Variants in LMF1 observed in about 807,000 individuals in gnomAD.
LMF1 encodes transmembrane protein 112.
A neutral mutation model predicts 60.6 loss-of-function variants in LMF1; 68 were observed. That is an observed-to-expected ratio of 1.12 (90% CI 0.92 to 1.37). The LOEUF is 1.37. Among genes scored for constraint, LMF1 ranks in the 40% most tolerant of loss-of-function variants. The probability of loss-of-function intolerance (pLI) is 0.00; values close to 1 mark genes in which losing one functional copy is unlikely to be tolerated. For missense variants in LMF1, 948 were observed against 767.2 expected (o/e 1.24, Z -2.78); for synonymous variants, 418 against 324.7 (o/e 1.29, Z -3.09).
chr16:978,977 A>C (rs1420498289), intron 1 of LMF1: 2 of 453,918 alleles, frequency 4.4e-6, no homozygotes, highest in Non-Finnish European at 8.8e-6. Flanking sequence ...GCTTTCCCAG[A>C]CCATCCTTCC....
In LMF1 at chr16:946,398, C is replaced by T. The variant is rs532342805; in HGVS notation, c.503+7959G>A. ...AGCAGGAGTGGAAGCCAGAAGGAAG[C>T]GCTTCTCCCAGCAAGTCCTAGAGAG... On this transcript the variant is annotated intron_variant, in intron 2 of 10. Coordinates refer to ENST00000262301, the MANE Select transcript of LMF1 (RefSeq NM_022773.4). Among the ~76,000 whole-genome samples the T allele has an allele frequency of 4.8e-3, 735 of 152,310 alleles. 4 individuals are homozygous for T. The highest frequency in any genetic ancestry group is 0.013 in the South Asian group (61 of 4,826).
intron 6 of LMF1, among the ~76,000 whole-genome samples, chr16:875,836 G>A (rs1216578945): frequency 1.3e-5 from 2 of 152,206 alleles, no homozygotes; most frequent in East Asian, 1.9e-4. Context: ...CCACGCAGGA[G>A]GTGTGTGGGG....
intron 4 of LMF1, among the ~76,000 whole-genome samples, chr16:896,379 A>G (rs1284433680): frequency 6.6e-6 from 1 of 152,190 alleles, no homozygotes; most frequent in Non-Finnish European, 1.5e-5. Flanking sequence ...CTGCCCTCAC[A>G]TGCCCTGTGC....
intron 5 of LMF1, 73 bp downstream of exon 5, chr16:892,934 G>A (rs2070532734): frequency 1.7e-6 from 2 of 1,203,220 alleles, no homozygotes; most frequent in South Asian, 2.9e-5. Context: ...GTGCAGGACT[G>A]AGCCCCGCCA....
At chr16:908,049 C>CCAGGGCTTCGGCCTGA (rs2071013890) in intron 4 of LMF1, among the ~76,000 whole-genome samples, 1 of 152,174 alleles carries the variant, frequency 6.6e-6, no homozygotes, top group Non-Finnish European at 1.5e-5. Context: ...TGCTTCTCTC[C>CCAGGGCTTCGGCCTGA]CAGGGCTTCG....
intron 6 of LMF1, among the ~76,000 whole-genome samples, chr16:876,869 G>A (rs569391201): frequency 1.3e-3 from 204 of 152,060 alleles, no homozygotes; most frequent in African/African-American, 4.8e-3. Context: ...GAAAATAACA[G>A]AAAAAAACGA....
intron 4 of LMF1, among the ~76,000 whole-genome samples, chr16:904,225 C>G (rs1278371579): frequency 1.1e-5 from 1 of 94,768 alleles, no homozygotes; most frequent in Non-Finnish European, 1.9e-5. Context: ...CACAGGACGC[C>G]TGTCTCTGCT....
chr16:881,077 G>C lies in LMF1; in HGVS notation c.730-1340C>G, dbSNP rs1426694660. Among the ~76,000 whole-genome samples, 3 of 152,220 alleles carry C rather than the reference G, an allele frequency of 2.0e-5. No homozygotes were observed. In the East Asian group the frequency reaches 5.8e-4, roughly 29 times the overall value. ...CAGGTCCTGGGACTCCCAGGGTCCA[G>C]AGAGGCTACGTGGAAGTCGGGGCCC... On this transcript the variant is annotated intron_variant, in intron 5 of 10. Coordinates refer to ENST00000262301, the MANE Select transcript of LMF1 (RefSeq NM_022773.4).
chr16:905,935 T>G (rs545070088), intron 4 of LMF1, among the ~76,000 whole-genome samples: 2 of 152,340 alleles, frequency 1.3e-5, no homozygotes, highest in East Asian at 1.9e-4. Context: ...GTTAATTTTT[T>G]TGTGTGTCCT....
At chr16:966,216 C>T (rs984858924) in intron 1 of LMF1, among the ~76,000 whole-genome samples, 1 of 152,202 alleles carries the variant, frequency 6.6e-6, no homozygotes, top group Non-Finnish European at 1.5e-5. Context: ...GCAGTTCAGG[C>T]ACCACGGCTC....
intron 3 of LMF1, among the ~76,000 whole-genome samples, chr16:922,397 C>T (rs747398560): frequency 6.6e-6 from 1 of 152,354 alleles, no homozygotes; most frequent in African/African-American, 2.4e-5. Flanking sequence ...AGAGCGGCCA[C>T]TGGGGAACTG....
intron 5 of LMF1, among the ~76,000 whole-genome samples, chr16:882,077 C>T (rs556561577): frequency 6.6e-6 from 1 of 152,318 alleles, no homozygotes; most frequent in African/African-American, 2.4e-5. Flanking sequence ...CTCAGAACCT[C>T]ACCTGGGAAA....
chr16:960,366 C>G (rs1373174668), intron 1 of LMF1, among the ~76,000 whole-genome samples: 32 of 105,648 alleles, frequency 3.0e-4, no homozygotes, highest in South Asian at 6.6e-4. Flanking sequence ...GACCCAGACA[C>G]AGACTCACGG....
At chr16:964,586 G>A (rs541225676) in intron 1 of LMF1, among the ~76,000 whole-genome samples, 273 of 152,296 alleles carry the variant, frequency 1.8e-3, no homozygotes, top group Non-Finnish European at 3.2e-3. Context: ...TAGAACTCAA[G>A]TGGCCCGGAG....
intron 5 of LMF1, among the ~76,000 whole-genome samples, chr16:888,618 A>T (rs966907131): frequency 1.3e-5 from 2 of 152,198 alleles, no homozygotes; most frequent in African/African-American, 4.8e-5. Context: ...GTCGTCAGGC[A>T]ACCGCTCCGA....
chr16:870,966 A>C, intron 7 of LMF1, 84 bp from the exon 8 acceptor site: 1 of 1,492,192 alleles, frequency 6.7e-7, no homozygotes, highest in Non-Finnish European at 8.9e-7. Flanking sequence ...GCTGCTCCCT[A>C]AGGGTCAGCT....
At chr16:905,871 C>A (rs1351028640) in intron 4 of LMF1, among the ~76,000 whole-genome samples, 1 of 152,116 alleles carries the variant, frequency 6.6e-6, no homozygotes, top group Non-Finnish European at 1.5e-5. Flanking sequence ...AGCCTCCTAA[C>A]ATGCTGGTGT....
intron 10 of LMF1, among the ~76,000 whole-genome samples, chr16:857,353 G>A (rs1228219016): frequency 6.6e-6 from 1 of 152,276 alleles, no homozygotes; most frequent in Non-Finnish European, 1.5e-5. Context: ...CAACAGCCGA[G>A]TGACTCGATT....
chr16:895,188 C>T (rs542415685), intron 4 of LMF1, among the ~76,000 whole-genome samples: 17 of 152,234 alleles, frequency 1.1e-4, no homozygotes, highest in African/African-American at 4.1e-4. Flanking sequence ...TCAGGACCTC[C>T]AGAGCAGGGG....
Sources: gnomAD v4.1 joint callset for allele counts (sites outside exome capture counted in the v4.1 genomes callset) on GRCh38, gnomAD v4.1.1 for gene constraint, MANE v1.5 for transcripts, NCBI Gene and HGNC (gene_info 2026-07-23, HGNC 2026-07-21) for gene names.